The following SLC26A7 variants were observed in gnomAD, a reference collection of about 807,000 sequenced individuals.
The protein encoded by SLC26A7 is anion exchange transporter.
Under a neutral mutation model 82.5 loss-of-function variants are expected in SLC26A7, and 59 were observed. The observed-to-expected ratio is 0.72, with a 90% CI of 0.58 to 0.89. The LOEUF is 0.89. SLC26A7 is among the 40% of genes least tolerant of loss of function. SLC26A7 has a pLI of 0.00. For synonymous variants in SLC26A7, 271 were observed against 274.3 expected (o/e 0.99, Z 0.12); for missense variants, 820 against 793.0 (o/e 1.03, Z -0.41).
At chr8:91,323,496 A>G (rs1244652612) in intron 5 of SLC26A7, among the ~76,000 whole-genome samples, 2 of 152,190 alleles carry the variant, frequency 1.3e-5, no homozygotes, top group African/African-American at 4.8e-5. Context: ...AGATGGCTGG[A>G]TGCCACCTGG....
At chr8:91,255,158 G>T (rs1440940775) in intron 2 of SLC26A7, among the ~76,000 whole-genome samples, 2 of 152,096 alleles carry the variant, frequency 1.3e-5, no homozygotes, top group Non-Finnish European at 2.9e-5. Flanking sequence ...GTTTGGCCTT[G>T]CATTTCCAAG....
intron 11 of SLC26A7, among the ~76,000 whole-genome samples, chr8:91,355,663 GT>G (rs888524551): frequency 2.7e-5 from 4 of 150,118 alleles, no homozygotes; most frequent in Non-Finnish European, 4.4e-5. Context: ...TATATTTAAG[GT>G]TTTTTTTCCT....
At chr8:91,363,738 C>T (rs1036902428) in intron 13 of SLC26A7, among the ~76,000 whole-genome samples, 200 bp downstream of exon 13, 5 of 151,982 alleles carry the variant, frequency 3.3e-5, no homozygotes, top group African/African-American at 1.2e-4. Flanking sequence ...AAAAGAAAAT[C>T]TCTTTGGATT....
At chr8:91,381,068 C>T (rs907713096) in intron 15 of SLC26A7, among the ~76,000 whole-genome samples, 1 of 152,062 alleles carries the variant, frequency 6.6e-6, no homozygotes, top group Non-Finnish European at 1.5e-5. Flanking sequence ...TAATTTCATT[C>T]ATATAAACTT....
chr8:91,377,144 A>G (rs577885335), intron 15 of SLC26A7, among the ~76,000 whole-genome samples: 4 of 152,198 alleles, frequency 2.6e-5, no homozygotes, highest in East Asian at 1.9e-4. Flanking sequence ...TTCACTTTCA[A>G]TAGTGGTGGA....
chr8:91,343,542 T>C (rs757063194), intron 9 of SLC26A7, 76 bp downstream of exon 9: 10 of 1,006,530 alleles, frequency 9.9e-6, no homozygotes, highest in Non-Finnish European at 1.5e-5. Context: ...AAGAGCTAGC[T>C]TCTCTTTAAA....
At chr8:91,299,957 TAAA>T (rs1281209256) in intron 4 of SLC26A7, among the ~76,000 whole-genome samples, 2 of 152,196 alleles carry the variant, frequency 1.3e-5, no homozygotes, top group Non-Finnish European at 2.9e-5. Flanking sequence ...ATAAGTCAAG[TAAA>T]GAAGTGGAGA....
In SLC26A7 at chr8:91,372,972, AT is replaced by A. The variant is rs372268143; in HGVS notation, c.1675+3146del. ...GTGTAAATGTGTTCCTAGGTATTTT[AT>A]TTTTTTGTGGCAGTTGTAAATAGGA... On this transcript the variant is annotated intron_variant, in intron 15 of 18. Transcript: ENST00000276609. Among the ~76,000 whole-genome samples the A allele has an allele frequency of 7.4e-4, 112 of 151,618 alleles. 3 individuals are homozygous for A. The East Asian group carries it at 0.017, about 23-fold the overall frequency.
intron 4 of SLC26A7, among the ~76,000 whole-genome samples, chr8:91,314,085 T>C (rs1812563608): frequency 6.6e-6 from 1 of 152,204 alleles, no homozygotes. Flanking sequence ...TCAGCATTAC[T>C]ACAAACAGCT....
At chr8:91,350,858 A>G (rs1319857659) in intron 9 of SLC26A7, among the ~76,000 whole-genome samples, 1 of 152,152 alleles carries the variant, frequency 6.6e-6, no homozygotes, top group African/African-American at 2.4e-5. Context: ...TGTATGTGTA[A>G]CTTTATAAGA....
intron 2 of SLC26A7, among the ~76,000 whole-genome samples, chr8:91,239,061 C>T (rs1810430703): frequency 6.6e-6 from 1 of 152,046 alleles, no homozygotes; most frequent in African/African-American, 2.4e-5. Flanking sequence ...TACCCAGAGT[C>T]AGTCTCTTAA....
chr8:91,230,077 C>CT (rs768481072), intron 2 of SLC26A7, among the ~76,000 whole-genome samples: 77 of 151,836 alleles, frequency 5.1e-4, no homozygotes, highest in Admixed American at 1.2e-3. Flanking sequence ...TTCTGCAAGG[C>CT]TTTTTTTTCA....
At chr8:91,283,495 T>C (rs1811628492) in intron 2 of SLC26A7, among the ~76,000 whole-genome samples, 1 of 152,208 alleles carries the variant, frequency 6.6e-6, no homozygotes, top group Admixed American at 6.5e-5. Context: ...AACTGGGTGA[T>C]CAAAGAATGT....
intron 15 of SLC26A7, among the ~76,000 whole-genome samples, chr8:91,381,707 G>C (rs1281302286): frequency 6.6e-6 from 1 of 152,080 alleles, no homozygotes; most frequent in East Asian, 1.9e-4. Flanking sequence ...GAACACTTCT[G>C]ACATCCTTCT....
intron 1 of SLC26A7, among the ~76,000 whole-genome samples, chr8:91,211,469 C>T (rs981537477): frequency 2.1e-4 from 32 of 150,824 alleles, no homozygotes; most frequent in Non-Finnish European, 4.1e-4. Context: ...TTCCTTGTTT[C>T]CAGAGTTGAA....
At chr8:91,306,015 T>C (rs1331008732) in intron 4 of SLC26A7, among the ~76,000 whole-genome samples, 1 of 152,210 alleles carries the variant, frequency 6.6e-6, no homozygotes. Context: ...CACTCACTCC[T>C]GTAAAACTCC....
rs183193571 is a variant in SLC26A7 at position 91,262,786 on chromosome 8, G to T, written c.193+12942G>T. On this transcript the variant is annotated intron_variant, in intron 2 of 18. Transcript: ENST00000276609. ...TAAGAATTACCTCTATTAAAAATTT[G>T]TGGACTATAAAATGTTTAATATTTT... Among the ~76,000 whole-genome samples the T allele has an allele frequency of 2.4e-4, 37 of 152,006 alleles. 1 individual carries two copies. The East Asian group carries it at 5.4e-3, about 22-fold the overall frequency.
Position 91,363,485 on chromosome 8 carries a change from A to C in SLC26A7, c.1435A>C (p.Ser479Arg). The change falls in exon 13 of 19, where the codon AGT becomes CGT. Residue 479 changes from serine (S) to arginine (R), a missense_variant. Physicochemically the swap from Ser to Arg is moderately radical, Grantham distance 110 (BLOSUM62 -1). Coordinates refer to ENST00000276609, the MANE Select transcript of SLC26A7 (RefSeq NM_052832.4). ...IGRFPRAMTV[S>R]IKNMKEMEFK... The stretch of plus-strand genomic sequence containing the variant: ...CTTTAATTTCAGAGCAATGACTGTA[A>C]GTATAAAAAATATGAAAGAAATGGA... 2.0e-6 allele frequency: 3 copies of C among 1,503,280 alleles called. No homozygotes were observed. The highest frequency in any genetic ancestry group is 2.7e-6 in the Non-Finnish European group (3 of 1,093,696). 93.1% of individuals were successfully genotyped at this position (1,503,280 alleles called of 1,614,324 possible).
rs372147365 is a variant in SLC26A7, at chr8:91,358,145, C to A, written c.1315-4208C>A. Among the ~76,000 whole-genome samples the A allele has an allele frequency of 9.2e-5, 14 of 152,224 alleles. No individual in the cohort carries two copies. In the South Asian group the frequency reaches 1.0e-3, roughly 11 times the overall value. On this transcript the variant is annotated intron_variant, in intron 11 of 18. Coordinates refer to ENST00000276609, the MANE Select transcript of SLC26A7 (RefSeq NM_052832.4). ...GAGAGGATGTGGAGAAACAGAAACACTTTTACACTGTTGGTGGGACTGTAA... is the reference window on the plus strand; with the variant it reads ...GAGAGGATGTGGAGAAACAGAAACAATTTTACACTGTTGGTGGGACTGTAA...
Sources: allele counts gnomAD v4.1 joint callset (sites outside exome capture counted in the v4.1 genomes callset), GRCh38; gene constraint gnomAD v4.1.1; transcripts MANE v1.5; gene names NCBI Gene and HGNC (gene_info 2026-07-23, HGNC 2026-07-21).